Variants in TSPAN11 observed in about 807,000 individuals in gnomAD.
TSPAN11 encodes the protein tetraspanin-11.
TSPAN11 carries 29 observed loss-of-function variants against 32.9 expected under a neutral mutation model. That is an observed-to-expected ratio of 0.88 (90% CI 0.66 to 1.20). The LOEUF (loss-of-function observed/expected upper bound fraction) is 1.20, where lower values mean the gene tolerates loss of function less well. Ranked by LOEUF, TSPAN11 falls within the 50% of genes most tolerant of loss-of-function variation. The pLI is 0.00. For missense variants in TSPAN11, 283 were observed against 329.1 expected (o/e 0.86, Z 1.08); for synonymous variants, 140 against 141.3 (o/e 0.99, Z 0.07).
chr12:30,953,163 C>T (rs968708019), intron 1 of TSPAN11, among the ~76,000 whole-genome samples: 7 of 152,148 alleles, frequency 4.6e-5, no homozygotes, highest in Non-Finnish European at 1.0e-4. Context: ...GGCTCTAGCC[C>T]CAGTTCTTTG....
downstream of TSPAN11, among the ~76,000 whole-genome samples, chr12:30,998,295 C>T (rs1313282214): frequency 3.3e-5 from 5 of 152,356 alleles, no homozygotes; most frequent in African/African-American, 1.2e-4. Context: ...CCTTTGGTGG[C>T]TGCTGGCTGG....
intron 1 of TSPAN11, among the ~76,000 whole-genome samples, chr12:30,927,912 G>C (rs1937835701): frequency 6.6e-6 from 1 of 152,144 alleles, no homozygotes; most frequent in Admixed American, 6.5e-5. Flanking sequence ...GGGACTGGAG[G>C]CTCCAATTAA....
At chr12:30,978,476 T>C in intron 3 of TSPAN11, 85 bp from the exon 4 acceptor site, 2 of 1,371,216 alleles carry the variant, frequency 1.5e-6, no homozygotes, top group Non-Finnish European at 2.1e-6. Flanking sequence ...AGCAGGTATC[T>C]CTACCACCCC....
chr12:30,973,329 G>A (rs1938891520), intron 3 of TSPAN11, among the ~76,000 whole-genome samples: 1 of 152,208 alleles, frequency 6.6e-6, no homozygotes, highest in East Asian at 1.9e-4. Context: ...GAGAGACCAT[G>A]CAATGTGCTT....
intron 1 of TSPAN11, among the ~76,000 whole-genome samples, chr12:30,941,887 G>C (rs1297834731): frequency 6.6e-6 from 1 of 152,196 alleles, no homozygotes; most frequent in Non-Finnish European, 1.5e-5. Context: ...CTCACTCTAC[G>C]GCACTTATCA....
At chr12:30,981,872 G>T (rs1303934809) in intron 5 of TSPAN11, among the ~76,000 whole-genome samples, 1 of 152,202 alleles carries the variant, frequency 6.6e-6, no homozygotes, top group Admixed American at 6.5e-5. Context: ...TCTCTCTCCT[G>T]TGTAGGAACT....
Position 30,990,467 on chromosome 12 carries a change from C to T in TSPAN11, c.703-1389C>T, listed in dbSNP as rs958013452. ...GGTAGGGAAACCTGCATGGGTGGAA[C>T]GGCATGACGGCCGCCTGCGTAAAGC... On this transcript the variant is annotated intron_variant, in intron 7 of 7. Transcript: ENST00000546076. Among the ~76,000 whole-genome samples, 9 of 152,312 alleles carry T rather than the reference C, an allele frequency of 5.9e-5. No homozygotes were observed. The East Asian group carries it at 9.7e-4, about 16-fold the overall frequency.
At chr12:30,976,192 A>G (rs1938966843) in intron 3 of TSPAN11, among the ~76,000 whole-genome samples, 1 of 152,066 alleles carries the variant, frequency 6.6e-6, no homozygotes, top group Admixed American at 6.5e-5. Flanking sequence ...GCTGACAGGG[A>G]CCGTACCCCT....
intron 7 of TSPAN11, among the ~76,000 whole-genome samples, chr12:30,984,644 C>T (rs1017910975): frequency 2.0e-5 from 3 of 150,372 alleles, no homozygotes; most frequent in Non-Finnish European, 4.4e-5. Flanking sequence ...CTGCAACCTC[C>T]GCCTCCCAGG....
At chr12:30,960,370 G>A (rs1349747846) in intron 2 of TSPAN11, among the ~76,000 whole-genome samples, 1 of 151,974 alleles carries the variant, frequency 6.6e-6, no homozygotes, top group Non-Finnish European at 1.5e-5. Flanking sequence ...CACTGAGGGT[G>A]GAGAACTCCC....
chr12:31,010,616 A>AC, the TSPAN11 span, among the ~76,000 whole-genome samples: 4 of 152,032 alleles, frequency 2.6e-5, no homozygotes, highest in Non-Finnish European at 5.9e-5. Context: ...ACATAGTGAG[A>AC]CCCCATCTCT....
At chr12:30,979,968 G>A (rs1221752780) in intron 5 of TSPAN11, among the ~76,000 whole-genome samples, 4 of 152,150 alleles carry the variant, frequency 2.6e-5, no homozygotes, top group South Asian at 2.1e-4. Context: ...CCAGGAAGCC[G>A]GCTGTGCCAG....
intron 1 of TSPAN11, among the ~76,000 whole-genome samples, chr12:30,948,373 G>A (rs1425506414): frequency 1.3e-5 from 2 of 152,238 alleles, no homozygotes; most frequent in East Asian, 3.9e-4. Context: ...CCCTAGCAGA[G>A]GTTCTCCATG....
intron 1 of TSPAN11, among the ~76,000 whole-genome samples, chr12:30,936,601 CT>C (rs1182096920): frequency 6.6e-6 from 1 of 152,038 alleles, no homozygotes. Context: ...AAGGGGATGG[CT>C]TAGTGTTGGG....
At chr12:30,985,014 G>T (rs1476658553) in intron 7 of TSPAN11, among the ~76,000 whole-genome samples, 1 of 152,118 alleles carries the variant, frequency 6.6e-6, no homozygotes, top group Non-Finnish European at 1.5e-5. Flanking sequence ...GAGAAGCAGG[G>T]GACAGTGGCC....
At chr12:31,005,259 A>T in the TSPAN11 span, among the ~76,000 whole-genome samples, 4 of 152,230 alleles carry the variant, frequency 2.6e-5, no homozygotes, top group Admixed American at 2.6e-4. Flanking sequence ...AGTAAAATAA[A>T]GTTAAGAAGT....
the TSPAN11 span, among the ~76,000 whole-genome samples, chr12:31,002,680 C>T: frequency 2.6e-5 from 4 of 152,188 alleles, no homozygotes; most frequent in African/African-American, 7.2e-5. The surrounding 1 kb of genome is among the most constrained non-coding windows in gnomAD (Gnocchi z 4.8). Flanking sequence ...GCACCCAGCT[C>T]CCATCCTGTG....
At chr12:31,002,568 C>T in the TSPAN11 span, among the ~76,000 whole-genome samples, 1 of 152,092 alleles carries the variant, frequency 6.6e-6, no homozygotes, top group African/African-American at 2.4e-5. This position sits in a 1 kb window ranked among gnomAD's most constrained non-coding sequence, Gnocchi z 4.8. Flanking sequence ...TCAGAGTGCC[C>T]GTTTGGAGCA....
chr12:30,980,484 C>T (rs1939067055), intron 5 of TSPAN11, among the ~76,000 whole-genome samples: 1 of 152,220 alleles, frequency 6.6e-6, no homozygotes, highest in East Asian at 1.9e-4. Context: ...CGGATGTGTC[C>T]GTGTCAGAAA....
Sources: gnomAD v4.1 joint callset for allele counts (sites outside exome capture counted in the v4.1 genomes callset) on GRCh38, gnomAD v4.1.1 for gene constraint, Gnocchi (gnomAD v3.1) non-coding constraint, MANE v1.5 for transcripts, NCBI Gene and HGNC (gene_info 2026-07-23, HGNC 2026-07-21) for gene names.